The following FIBCD1 variants were observed in gnomAD, a reference collection of about 807,000 sequenced individuals.
FIBCD1 encodes the protein fibrinogen C domain-containing protein 1.
Under a neutral mutation model 45.1 loss-of-function variants are expected in FIBCD1, and 47 were observed. That is an observed-to-expected ratio of 1.04 (90% CI 0.82 to 1.33). FIBCD1 has a LOEUF of 1.33. FIBCD1 is among the 40% of genes most tolerant of loss of function. The pLI, the probability that FIBCD1 is intolerant of heterozygous loss-of-function variation, is 0.00. For missense variants in FIBCD1, 653 were observed against 682.2 expected (o/e 0.96, Z 0.48); for synonymous variants, 313 against 308.1 (o/e 1.02, Z -0.17).
At chr9:130,912,473 G>A (rs1390622920) in intron 4 of FIBCD1, among the ~76,000 whole-genome samples, 4 of 151,604 alleles carry the variant, frequency 2.6e-5, no homozygotes, top group Non-Finnish European at 5.9e-5. Context: ...TTGGGAGGCC[G>A]AGGTGGGTGG....
Position 130,904,173 on chromosome 9 carries a change from C to T in FIBCD1, c.1277G>A (p.Gly426Asp). The part of the protein sequence containing the change: ...TSNLNGQYLR[G>D]AHASYADGVE... ...GCCGTCGGCATAGGAGGCGTGCGCA[C>T]CGCGCAGGTACTGCCCATTGAGGTT... The change falls in exon 7 of 7, where the codon GGT (glycine) becomes GAT (aspartate). Residue 426 changes from glycine (G) to aspartate (D), a missense_variant. By Grantham distance (94) the Gly-to-Asp change is moderately conservative. Coordinates refer to ENST00000372338, the MANE Select transcript of FIBCD1 (RefSeq NM_032843.5). The T allele has an allele frequency of 6.2e-7, 1 of 1,613,720 alleles. No individual in the cohort carries two copies. The highest frequency in any genetic ancestry group is 8.5e-7 in the Non-Finnish European group (1 of 1,179,992).
chr9:130,910,967 C>T (rs547528792), intron 5 of FIBCD1, among the ~76,000 whole-genome samples: 10 of 152,294 alleles, frequency 6.6e-5, no homozygotes, highest in African/African-American at 2.4e-4. Flanking sequence ...GGATTGTAAA[C>T]GCACCAATCA....
At chr9:130,911,722 G>A (rs1832052488) in intron 5 of FIBCD1, 70 bp downstream of exon 5, 2 of 1,409,392 alleles carry the variant, frequency 1.4e-6, no homozygotes, top group Non-Finnish European at 9.8e-7. Context: ...GGGAGCAGCT[G>A]GGACCCAACT....
intron 5 of FIBCD1, 44 bp downstream of exon 5, chr9:130,911,748 G>A (rs756213471): frequency 1.9e-6 from 3 of 1,542,000 alleles, no homozygotes; most frequent in Admixed American, 1.9e-5. Context: ...CGGAAGGCAG[G>A]GGGAGGAGGC....
chr9:130,903,982 T>TG lies in FIBCD1; in HGVS notation c.*81dup. 1 of 1,537,708 alleles carries TG rather than the reference T, an allele frequency of 6.5e-7. No individual in the cohort carries two copies. The highest frequency in any genetic ancestry group is 8.8e-7 in the Non-Finnish European group (1 of 1,133,200). On this transcript the variant is annotated 3_prime_UTR_variant, in exon 7 of 7. Transcript: ENST00000372338. ...AGTGGGTCCGCCAGGCACAGGTGGG[T>TG]GGAGAACATTCACGAAAGAGTGAGG...
rs1832574594 is a variant in FIBCD1 at position 130,939,227 on chromosome 9, C to T, written c.-620G>A. 1 of 152,056 alleles carries T rather than the reference C, an allele frequency of 6.6e-6. No homozygotes were observed. Among genetic ancestry groups the T allele is most frequent in the Admixed American group, 6.5e-5 (1 of 15,284 alleles). The allele number at this position is 152,056 out of a possible 1,614,324, so 9.4% of individuals were successfully genotyped here. ...GACCGGACTCACACAAGTCACCATG[C>T]GCGGGGCGGGCCCCGAGGGCGCCCC... On this transcript the variant is annotated 5_prime_UTR_variant, in exon 1 of 7. Coordinates refer to ENST00000372338, the MANE Select transcript of FIBCD1 (RefSeq NM_032843.5).
intron 1 of FIBCD1, chr9:130,930,850 G>C (rs1588113203): frequency 4.4e-6 from 2 of 455,286 alleles, no homozygotes; most frequent in Non-Finnish European, 8.8e-6. Context: ...TGGTCAGAGA[G>C]AGCTGTGATG....
intron 5 of FIBCD1, among the ~76,000 whole-genome samples, chr9:130,909,888 T>C (rs1179263511): frequency 1.3e-5 from 2 of 152,238 alleles, no homozygotes; most frequent in East Asian, 1.9e-4. Context: ...TGTGTCCCAG[T>C]GGCAGGAAGG....
chr9:130,909,858 A>G (rs1283771833), intron 5 of FIBCD1, among the ~76,000 whole-genome samples: 1 of 152,174 alleles, frequency 6.6e-6, no homozygotes, highest in East Asian at 1.9e-4. Context: ...CTGAGCTCCT[A>G]CTTTGTGCCA....
At chr9:130,913,295 G>A (rs907122961) in intron 4 of FIBCD1, among the ~76,000 whole-genome samples, 13 of 148,020 alleles carry the variant, frequency 8.8e-5, no homozygotes, top group Non-Finnish European at 1.5e-4. Context: ...CCGAGGCAGC[G>A]CCCGCGGCCC....
chr9:130,923,596 G>T, intron 4 of FIBCD1, 148 bp downstream of exon 4: 1 of 1,267,952 alleles, frequency 7.9e-7, no homozygotes, highest in East Asian at 2.5e-5. Context: ...GTGGGGTCAG[G>T]CCAGGCAGAA....
In FIBCD1 at chr9:130,911,807, C is replaced by G. The variant is rs371263618; in HGVS notation, c.931G>C (p.Gly311Arg). The change falls in exon 5 of 7, where the codon GGG becomes CGG. Residue 311 changes from glycine to arginine, a missense_variant. By Grantham distance (125) the Gly-to-Arg change is moderately radical. Coordinates refer to ENST00000372338, the MANE Select transcript of FIBCD1 (RefSeq NM_032843.5). Reference sequence around the variant, plus strand: ...GGGTGCTCACCTAGCCAGTGCTCCCCGGTGAGCCTGCCAAAGCCGTCTCGG... The same window carrying G: ...GGGTGCTCACCTAGCCAGTGCTCCCGGGTGAGCCTGCCAAAGCCGTCTCGG... ...AYRDGFGRLT[G>R]EHWLGLKRIH... 15 of 1,602,586 alleles carry G rather than the reference C, an allele frequency of 9.4e-6. No individual in the cohort carries two copies. Among genetic ancestry groups the G allele is most frequent in the South Asian group, 5.6e-5 (5 of 89,120 alleles).
chr9:130,914,107 ATAG>A (rs1213423494), intron 4 of FIBCD1, among the ~76,000 whole-genome samples: 10 of 149,388 alleles, frequency 6.7e-5, no homozygotes, highest in African/African-American at 2.5e-4. Flanking sequence ...GGCCTGGCAC[ATAG>A]TAGGTGTTCA....
At chr9:130,920,223 T>G (rs13293102) in intron 4 of FIBCD1, among the ~76,000 whole-genome samples, 1 of 152,066 alleles carries the variant, frequency 6.6e-6, no homozygotes, top group Non-Finnish European at 1.5e-5. Context: ...ACTCGGCACC[T>G]TCTGAATAAG....
chr9:130,934,113 T>C (rs1291072000), intron 1 of FIBCD1, among the ~76,000 whole-genome samples: 1 of 152,120 alleles, frequency 6.6e-6, no homozygotes, highest in Non-Finnish European at 1.5e-5. Flanking sequence ...TTATGGGCTC[T>C]GTGGGTTGAG....
intron 1 of FIBCD1, among the ~76,000 whole-genome samples, chr9:130,934,896 G>T (rs900614401): frequency 2.0e-5 from 3 of 152,142 alleles, no homozygotes; most frequent in Non-Finnish European, 4.4e-5. Flanking sequence ...AGGGGCTTGG[G>T]AAACCCCAAG....
At chr9:130,910,994 G>C (rs1832027003) in intron 5 of FIBCD1, among the ~76,000 whole-genome samples, 1 of 152,220 alleles carries the variant, frequency 6.6e-6, no homozygotes. Context: ...TGTCAAAACA[G>C]ACCACTGGGC....
At chr9:130,940,405 A>C (rs1832603960), upstream of FIBCD1, among the ~76,000 whole-genome samples, 3 of 152,230 alleles carry the variant, frequency 2.0e-5, no homozygotes, top group Non-Finnish European at 4.4e-5. Context: ...GGAGTTGGAG[A>C]GGATCCCACA....
intron 5 of FIBCD1, among the ~76,000 whole-genome samples, chr9:130,906,235 A>G (rs1831927169): frequency 6.6e-6 from 1 of 152,030 alleles, no homozygotes; most frequent in East Asian, 1.9e-4. Flanking sequence ...TACCATACAC[A>G]TACGTGCTCA....
Sources: gnomAD v4.1 joint callset for allele counts (sites outside exome capture counted in the v4.1 genomes callset) on GRCh38, gnomAD v4.1.1 for gene constraint, MANE v1.5 for transcripts, NCBI Gene and HGNC (gene_info 2026-07-23, HGNC 2026-07-21) for gene names.